ACTR10: variants seen among roughly 807,000 people sequenced by gnomAD.
The protein encoded by ACTR10 is actin-related protein 10.
Under a neutral mutation model 56.2 loss-of-function variants are expected in ACTR10, and 43 were observed. That is an observed-to-expected ratio of 0.77 (90% CI 0.60 to 0.99). ACTR10 has a LOEUF of 0.99. Ranked by LOEUF, ACTR10 falls within the 50% of genes least tolerant of loss-of-function variation. ACTR10 has a pLI of 0.00. For synonymous variants in ACTR10, 170 were observed against 176.3 expected, an observed-to-expected ratio of 0.96 and a Z score of 0.28; for missense variants, 466 against 507.8, an observed-to-expected ratio of 0.92 and a Z score of 0.79.
At chr14:58,223,190 G>C (rs1889318336) in intron 8 of ACTR10, among the ~76,000 whole-genome samples, 1 of 152,130 alleles carries the variant, frequency 6.6e-6, no homozygotes, top group African/African-American at 2.4e-5. Context: ...AGGCTGGAGT[G>C]CAGTGGCGCG....
intron 7 of ACTR10, among the ~76,000 whole-genome samples, chr14:58,217,559 G>A (rs552872911): frequency 3.9e-5 from 6 of 151,906 alleles, no homozygotes; most frequent in South Asian, 2.1e-4. Context: ...CCAGCTACTC[G>A]GGAGGCTGAG....
chr14:58,218,832 T>C (rs1428831880), intron 7 of ACTR10, among the ~76,000 whole-genome samples: 2 of 152,166 alleles, frequency 1.3e-5, no homozygotes, highest in Admixed American at 6.5e-5. Flanking sequence ...TTATTATTAT[T>C]ATTATTTTTT....
At chr14:58,204,619 G>T (rs927018072) in intron 2 of ACTR10, among the ~76,000 whole-genome samples, 1 of 152,174 alleles carries the variant, frequency 6.6e-6, no homozygotes, top group Non-Finnish European at 1.5e-5. Context: ...AGTCAGTGCA[G>T]ATGGTAGCAA....
rs5808964 is a variant in ACTR10, at chr14:58,232,872, C to CT, written c.1072+620dup. 7.2e-4 allele frequency among the ~76,000 whole-genome samples: 98 copies of CT among 136,340 alleles called. 2 individuals are homozygous for CT. The East Asian group carries it at 8.9e-3, about 12-fold the overall frequency. The allele number at this position is 136,340 out of a possible 152,430, so 89.4% of individuals were successfully genotyped here. ...CAGTGATGCTACCATTTCTTTCTTT[C>CT]TTTTTTTTTTTTTTTGAGACGTTTC... On this transcript the variant is annotated intron_variant, in intron 12 of 12. Transcript: ENST00000254286.
chr14:58,231,277 C>G (rs1457376552), intron 11 of ACTR10: 1 of 165,932 alleles, frequency 6.0e-6, no homozygotes, highest in Non-Finnish European at 1.3e-5. Flanking sequence ...GTCTTGAACT[C>G]CCGACCTCAG....
chr14:58,223,944 T>G, intron 10 of ACTR10, 88 bp downstream of exon 10: 2 of 1,004,854 alleles, frequency 2.0e-6, no homozygotes, highest in Non-Finnish European at 3.0e-6. Flanking sequence ...TATTTCACTA[T>G]TGCCATTTTA....
chr14:58,233,501 A>G (rs1385412296), intron 12 of ACTR10, among the ~76,000 whole-genome samples: 1 of 152,276 alleles, frequency 6.6e-6, no homozygotes, highest in Non-Finnish European at 1.5e-5. Flanking sequence ...TCATGAATGT[A>G]TAAAAATATA....
chr14:58,231,101 TG>T (rs1889521983), intron 11 of ACTR10: 2 of 352,052 alleles, frequency 5.7e-6, no homozygotes, highest in African/African-American at 2.2e-5. Flanking sequence ...TTGCCCAGGC[TG>T]GAGTGCAATG....
intron 8 of ACTR10, among the ~76,000 whole-genome samples, chr14:58,221,565 A>T (rs1594810992): frequency 6.6e-6 from 1 of 152,164 alleles, no homozygotes; most frequent in South Asian, 2.1e-4. Context: ...AGACCACTGC[A>T]CTCTAGCTTG....
intron 8 of ACTR10, among the ~76,000 whole-genome samples, 193 bp downstream of exon 8, chr14:58,219,922 G>A (rs1028402503): frequency 1.3e-5 from 2 of 152,126 alleles, no homozygotes; most frequent in African/African-American, 4.8e-5. Flanking sequence ...GTGGCATAGT[G>A]ATGATGTGTT....
intron 5 of ACTR10, chr14:58,213,246 T>C (rs1889045328): frequency 1.3e-5 from 2 of 158,946 alleles, no homozygotes; most frequent in African/African-American, 4.8e-5. Flanking sequence ...ACAAAAATTA[T>C]AATGAGGTAT....
chr14:58,228,936 C>G (rs1422427062), intron 10 of ACTR10, among the ~76,000 whole-genome samples: 1 of 151,516 alleles, frequency 6.6e-6, no homozygotes, highest in Non-Finnish European at 1.5e-5. Flanking sequence ...TTTTTATTTT[C>G]AAATCCTACA....
At chr14:58,209,243 C>A in intron 4 of ACTR10, 136 bp downstream of exon 4, 1 of 571,240 alleles carries the variant, frequency 1.8e-6, no homozygotes, top group Non-Finnish European at 3.0e-6. Flanking sequence ...CTAATAAAAG[C>A]CCTTATTTTG....
chr14:58,234,093 A>T lies in ACTR10; in HGVS notation c.1073-277A>T, dbSNP rs539619068. ...GTTGAAAATACTTTCACTCCACTCT[A>T]TCTCACTTGCTTTTAAATGCAATAA... is the stretch of plus-strand genomic sequence containing the variant. On this transcript the variant is annotated intron_variant, in intron 12 of 12. Transcript: ENST00000254286. Among the ~76,000 whole-genome samples the T allele has an allele frequency of 3.3e-4, 51 of 152,324 alleles. 1 individual carries two copies.
intron 10 of ACTR10, among the ~76,000 whole-genome samples, chr14:58,224,237 G>A (rs1204111007): frequency 1.3e-5 from 2 of 152,000 alleles, no homozygotes; most frequent in Non-Finnish European, 2.9e-5. Context: ...CCTGACCTCA[G>A]GTGATCCGCC....
At chr14:58,234,089 C>G (rs1889609568) in intron 12 of ACTR10, among the ~76,000 whole-genome samples, 1 of 152,174 alleles carries the variant, frequency 6.6e-6, no homozygotes, top group South Asian at 2.1e-4. Context: ...TTTCACTCCA[C>G]TCTATCTCAC....
intron 10 of ACTR10, among the ~76,000 whole-genome samples, chr14:58,225,856 G>C (rs1330967498): frequency 6.6e-6 from 1 of 152,050 alleles, no homozygotes; most frequent in Non-Finnish European, 1.5e-5. Flanking sequence ...AGGATTACAG[G>C]CGCCCATCAC....
At chr14:58,208,900 C>T (rs1888928590) in intron 3 of ACTR10, 99 bp from the exon 4 acceptor site, 2 of 713,748 alleles carry the variant, frequency 2.8e-6, no homozygotes, top group Non-Finnish European at 4.7e-6. Context: ...GATAAAATAT[C>T]TTAAGCTAAG....
chr14:58,202,002 C>CA (rs11460483), intron 1 of ACTR10, among the ~76,000 whole-genome samples: 49,241 of 98,970 alleles, frequency 0.5, 10,591 homozygotes, highest in Non-Finnish European at 0.55. Flanking sequence ...GACCCTGCCT[C>CA]AAAAAAAAAA....
Sources: allele counts gnomAD v4.1 joint callset (sites outside exome capture counted in the v4.1 genomes callset), GRCh38; gene constraint gnomAD v4.1.1; transcripts MANE v1.5; gene names NCBI Gene and HGNC (gene_info 2026-07-23, HGNC 2026-07-21).